The following LARP1B variants were observed in gnomAD, a reference collection of about 807,000 sequenced individuals.
LARP1B encodes La ribonucleoprotein 1B.
In LARP1B, 76 loss-of-function variants were observed where a neutral mutation model predicts 114.2. The ratio of observed to expected loss-of-function variants is 0.67; its 90% confidence interval spans 0.55 to 0.81. The LOEUF (loss-of-function observed/expected upper bound fraction) is 0.81, where lower values mean the gene tolerates loss of function less well. Ranked by LOEUF, LARP1B falls within the 30% of genes least tolerant of loss-of-function variation. The pLI is 0.00. For synonymous variants in LARP1B, 345 were observed against 348.0 expected (o/e 0.99, Z 0.10); for missense variants, 1,014 against 1,075.8 (o/e 0.94, Z 0.80).
At chr4:128,088,986 G>A (rs970961144) in intron 5 of LARP1B, among the ~76,000 whole-genome samples, 2 of 152,038 alleles carry the variant, frequency 1.3e-5, no homozygotes, top group Non-Finnish European at 2.9e-5. Context: ...GTTTGAAAAA[G>A]ACTGTTTTAG....
intron 6 of LARP1B, among the ~76,000 whole-genome samples, chr4:128,217,788 G>A (rs1759632862): frequency 7.4e-6 from 1 of 135,140 alleles, no homozygotes; most frequent in East Asian, 2.2e-4. Context: ...TGGAAGTTCT[G>A]GCCAGGGCAA....
At chr4:128,120,842 G>A (rs1262255057) in intron 10 of LARP1B, among the ~76,000 whole-genome samples, 3 of 136,552 alleles carry the variant, frequency 2.2e-5, no homozygotes, top group Non-Finnish European at 4.6e-5. Flanking sequence ...ACAGAGTCTC[G>A]CTCTGTCTCC....
chr4:128,123,068 C>T, intron 11 of LARP1B: 1 of 985,092 alleles, frequency 1.0e-6, no homozygotes, highest in Non-Finnish European at 1.2e-6. Context: ...GAAAAGCTAG[C>T]CAATTAGTGG....
chr4:128,124,512 G>A (rs1475554708), intron 11 of LARP1B, among the ~76,000 whole-genome samples: 1 of 152,220 alleles, frequency 6.6e-6, no homozygotes, highest in Non-Finnish European at 1.5e-5. Context: ...TAGATGAATA[G>A]GCAGGAGTCA....
chr4:128,183,551 A>T (rs1749291869), intron 15 of LARP1B, among the ~76,000 whole-genome samples: 1 of 152,228 alleles, frequency 6.6e-6, no homozygotes, highest in African/African-American at 2.4e-5. Context: ...GTACGTCATC[A>T]CCCAAGAATG....
chr4:128,200,384 C>G, intron 16 of LARP1B, 137 bp from the exon 17 acceptor site: 1 of 550,012 alleles, frequency 1.8e-6, no homozygotes, highest in Non-Finnish European at 3.0e-6. Flanking sequence ...TTGGAGATCC[C>G]CACTCTATTT....
chr4:128,164,442 G>C (rs1418718549), intron 12 of LARP1B, among the ~76,000 whole-genome samples: 2 of 152,050 alleles, frequency 1.3e-5, no homozygotes, highest in African/African-American at 4.8e-5. Flanking sequence ...ATTTGGCATT[G>C]CATGACATTA....
chr4:128,184,341 G>A (rs896619571), intron 15 of LARP1B, among the ~76,000 whole-genome samples: 25 of 152,296 alleles, frequency 1.6e-4, no homozygotes, highest in South Asian at 8.3e-4. Context: ...GCAGCCATCA[G>A]CATCGAGGCA....
chr4:128,100,134 A>G (rs1340061591), intron 8 of LARP1B, among the ~76,000 whole-genome samples: 1 of 150,006 alleles, frequency 6.7e-6, no homozygotes, highest in Non-Finnish European at 1.5e-5. Context: ...TAATTTTTAA[A>G]TATTTTTAAT....
At chr4:128,122,470 T>C (rs751604102) in intron 11 of LARP1B, 10 of 1,522,502 alleles carry the variant, frequency 6.6e-6, no homozygotes, top group African/African-American at 1.4e-5. Context: ...TTTTTTTTTG[T>C]TTTTGTTTTA....
intron 12 of LARP1B, among the ~76,000 whole-genome samples, chr4:128,173,694 CTT>C (rs1268456556): frequency 1.3e-5 from 2 of 152,168 alleles, no homozygotes; most frequent in Non-Finnish European, 2.9e-5. Context: ...TATCAACTTT[CTT>C]ATTCAGTAAG....
At chr4:128,193,899 T>C (rs200125178) in intron 15 of LARP1B, among the ~76,000 whole-genome samples, 2,729 of 152,342 alleles carry the variant, frequency 0.018, 65 homozygotes, top group East Asian at 0.1. Context: ...ATTACAGGCG[T>C]GAGCCACTGC....
At chr4:128,107,963 T>C in intron 9 of LARP1B, 3 of 1,532,524 alleles carry the variant, frequency 2.0e-6, no homozygotes, top group Non-Finnish European at 2.6e-6. Context: ...TGAAATGCCT[T>C]TATAAATACT....
At chr4:128,071,116 G>A (rs1418379414) in intron 1 of LARP1B, among the ~76,000 whole-genome samples, 1 of 151,774 alleles carries the variant, frequency 6.6e-6, no homozygotes, top group Non-Finnish European at 1.5e-5. Context: ...GCGTGATCTT[G>A]GCTCACTGCA....
intron 8 of LARP1B, among the ~76,000 whole-genome samples, chr4:128,103,195 G>A (rs938137130): frequency 1.3e-5 from 2 of 152,072 alleles, no homozygotes; most frequent in Non-Finnish European, 2.9e-5. Flanking sequence ...TTTCTTCTAG[G>A]TCTTTACCTT....
intron 4 of LARP1B, among the ~76,000 whole-genome samples, chr4:128,081,068 G>T (rs903038387): frequency 5.7e-5 from 8 of 139,576 alleles, no homozygotes; most frequent in African/African-American, 1.3e-4. Flanking sequence ...GGAATGTTAT[G>T]TATATATACT....
chr4:128,121,810 C>T lies in LARP1B; in HGVS notation c.1162-16C>T. The T allele has an allele frequency of 4.1e-6, 6 of 1,467,560 alleles. No individual in the cohort carries two copies. Among genetic ancestry groups the T allele is most frequent in the South Asian group, 1.5e-5 (1 of 65,188 alleles). 90.9% of individuals were successfully genotyped at this position (1,467,560 alleles called of 1,614,324 possible). Reference sequence around the variant, plus strand: ...ATAGAAAGTTTTTTATATAAATTACCAATTTCTTCCTTCAGGAATCAGTGT... The same window carrying T: ...ATAGAAAGTTTTTTATATAAATTACTAATTTCTTCCTTCAGGAATCAGTGT... On this transcript the variant is annotated splice_polypyrimidine_tract_variant and intron_variant, in intron 10 of 19. Coordinates refer to ENST00000326639, the MANE Select transcript of LARP1B (RefSeq NM_018078.4).
At chr4:128,191,729 C>G (rs1752360774) in intron 15 of LARP1B, among the ~76,000 whole-genome samples, 2 of 152,130 alleles carry the variant, frequency 1.3e-5, no homozygotes, top group African/African-American at 4.8e-5. Context: ...CCTGCTTCCC[C>G]TCTTTTTCTG....
At chr4:128,159,106 A>G (rs954896024) in intron 11 of LARP1B, among the ~76,000 whole-genome samples, 1 of 151,846 alleles carries the variant, frequency 6.6e-6, no homozygotes, top group African/African-American at 2.4e-5. Flanking sequence ...CCAGGAGTTC[A>G]AGGCTACAGA....
Sources: allele counts gnomAD v4.1 joint callset (sites outside exome capture counted in the v4.1 genomes callset), GRCh38; gene constraint gnomAD v4.1.1; transcripts MANE v1.5; gene names NCBI Gene and HGNC (gene_info 2026-07-23, HGNC 2026-07-21).